Variants in B9D1 observed in about 807,000 individuals in gnomAD.
B9D1 encodes the protein B9 domain containing 1, also known as B9 domain-containing protein 1.
Under a neutral mutation model 26.1 loss-of-function variants are expected in B9D1, and 20 were observed. The ratio of observed to expected loss-of-function variants is 0.77; its 90% CI spans 0.54 to 1.12. The LOEUF is 1.12. Among genes scored for constraint, B9D1 ranks in the 50% most tolerant of loss-of-function variants. The pLI, the probability that B9D1 is intolerant of heterozygous loss-of-function variation, is 0.00. For synonymous variants in B9D1, 105 were observed against 103.1 expected (o/e 1.02, Z -0.11); for missense variants, 260 against 273.7 (o/e 0.95, Z 0.35).
intron 5 of B9D1, among the ~76,000 whole-genome samples, chr17:19,346,732 A>G (rs1225541583): frequency 6.6e-6 from 1 of 152,024 alleles, no homozygotes; most frequent in African/African-American, 2.4e-5. Context: ...TACTGGCCAC[A>G]CTGCCGTCCT....
intron 5 of B9D1, chr17:19,344,542 G>T: frequency 3.8e-6 from 1 of 262,346 alleles, no homozygotes. Context: ...AAACAACCAG[G>T]AGCACTATTC....
chr17:19,336,665 A>G (rs539010231), downstream of B9D1: 1 of 152,706 alleles, frequency 6.5e-6, no homozygotes, highest in Non-Finnish European at 1.5e-5. Context: ...ACTTGTGTTG[A>G]CTGTTGATAC....
chr17:19,374,789 CT>C (rs1466430501), intron 1 of B9D1, among the ~76,000 whole-genome samples: 1 of 151,994 alleles, frequency 6.6e-6, no homozygotes, highest in Non-Finnish European at 1.5e-5. Context: ...AAATTAAAAA[CT>C]TTTGTGGAAC....
In B9D1 at chr17:19,370,224, T is replaced by G. The variant is rs1001056250; in HGVS notation, c.-298+7635A>C. The stretch of plus-strand genomic sequence containing the variant: ...AGCTGTTGCAGGAACACGATTTGAG[T>G]TGTTTTTTGAAAGATTGCTCTGGCT... On this transcript the variant is annotated intron_variant, in intron 1 of 5. Coordinates refer to the B9D1 transcript ENST00000477478. This position sits in a 1 kb window ranked among gnomAD's most constrained non-coding sequence, Gnocchi z 5.1. 1.3e-5 allele frequency among the ~76,000 whole-genome samples: 2 copies of G among 152,202 alleles called. No homozygotes were observed. The highest frequency in any genetic ancestry group is 1.5e-5 in the Non-Finnish European group (1 of 68,038).
At chr17:19,335,419 A>G, downstream of B9D1, 1 of 1,550,286 alleles carries the variant, frequency 6.5e-7, no homozygotes. Flanking sequence ...GCAGGGATTA[A>G]CAGGACTTCT....
intron 1 of B9D1, among the ~76,000 whole-genome samples, chr17:19,373,715 C>G (rs970014643): frequency 6.6e-5 from 10 of 152,046 alleles, no homozygotes; most frequent in African/African-American, 2.4e-4. Context: ...TTAGTAGAGA[C>G]AGGGTTTCAT....
chr17:19,340,031 CAA>C (rs1398358029), downstream of B9D1, among the ~76,000 whole-genome samples: 17 of 49,568 alleles, frequency 3.4e-4, no homozygotes, highest in South Asian at 1.1e-3. Context: ...CCCACATGCC[CAA>C]CCCCCCCCCC....
chr17:19,367,369 T>C (rs28679355), upstream of B9D1, among the ~76,000 whole-genome samples: 1,581 of 149,136 alleles, frequency 0.011, 22 homozygotes, highest in African/African-American at 0.036. Flanking sequence ...TGGAGTGCAG[T>C]GGCGCCATCT....
At chr17:19,335,895 A>G (rs886662784), downstream of B9D1, 2 of 153,924 alleles carry the variant, frequency 1.3e-5, no homozygotes, top group African/African-American at 2.4e-5. Flanking sequence ...CATTCCCCCA[A>G]TCCTGTGTCT....
downstream of B9D1, chr17:19,335,808 C>T: frequency 4.9e-6 from 1 of 204,116 alleles, no homozygotes; most frequent in Non-Finnish European, 9.8e-6. Flanking sequence ...CTACTGTCCT[C>T]ACCTCACCCA....
downstream of B9D1, chr17:19,343,121 C>T: frequency 1.4e-6 from 2 of 1,428,258 alleles, no homozygotes; most frequent in Non-Finnish European, 1.8e-6. Context: ...CAAGAGCCCC[C>T]AGCTCCTGTG....
At chr17:19,342,554 G>A (rs1908085679), downstream of B9D1, among the ~76,000 whole-genome samples, 1 of 152,090 alleles carries the variant, frequency 6.6e-6, no homozygotes, top group Non-Finnish European at 1.5e-5. Flanking sequence ...GTGAAGGTGG[G>A]GAGGCCCAGG....
chr17:19,343,245 T>G lies in B9D1; in HGVS notation c.*74A>C. 6.2e-7 allele frequency: 1 copy of G among 1,609,222 alleles called. No individual in the cohort carries two copies. Among genetic ancestry groups the G allele is most frequent in the Non-Finnish European group, 8.5e-7 (1 of 1,178,762 alleles). ...CCAGCTCTGGCCACCAGGCTGCCCC[T>G]CAGGCCGATGGGCAGCGGCTGACTT... On this transcript the variant is annotated 3_prime_UTR_variant, in exon 7 of 7. Coordinates refer to ENST00000261499, the MANE Select transcript of B9D1 (RefSeq NM_015681.6).
intron 3 of B9D1, among the ~76,000 whole-genome samples, chr17:19,355,604 C>T (rs1463369589): frequency 6.6e-6 from 1 of 150,640 alleles, no homozygotes; most frequent in Non-Finnish European, 1.5e-5. Flanking sequence ...CTGAGGCGGG[C>T]AGATCACGAG....
intron 1 of B9D1, among the ~76,000 whole-genome samples, chr17:19,377,570 C>T (rs528993619): frequency 1.2e-4 from 18 of 152,366 alleles, no homozygotes; most frequent in African/African-American, 4.1e-4. Flanking sequence ...GGCCCTACCT[C>T]GAGCTCCCTT....
chr17:19,339,990 C>T (rs533577403), downstream of B9D1, among the ~76,000 whole-genome samples: 3 of 149,430 alleles, frequency 2.0e-5, no homozygotes, highest in South Asian at 2.2e-4. Flanking sequence ...ACCTGCAGGC[C>T]GTATGCCTCG....
chr17:19,341,392 C>G (rs1907945508), downstream of B9D1: 21 of 1,114,370 alleles, frequency 1.9e-5, 1 homozygote, highest in South Asian at 8.2e-4. Flanking sequence ...TGTGTCGTCC[C>G]ATGACACGTG....
chr17:19,341,000 A>T, downstream of B9D1: 1 of 473,900 alleles, frequency 2.1e-6, no homozygotes, highest in Non-Finnish European at 3.1e-6. Flanking sequence ...ATATGTGAAT[A>T]TACAAGTACG....
downstream of B9D1, among the ~76,000 whole-genome samples, chr17:19,338,214 C>A (rs533076330): frequency 5.8e-4 from 88 of 152,366 alleles, no homozygotes; most frequent in African/African-American, 2.0e-3. Flanking sequence ...TGGAAGCTGC[C>A]GCACAGACTG....
Sources: gnomAD v4.1 joint callset for allele counts (sites outside exome capture counted in the v4.1 genomes callset) on GRCh38, gnomAD v4.1.1 for gene constraint, Gnocchi (gnomAD v3.1) non-coding constraint, MANE v1.5 for transcripts, NCBI Gene and HGNC (gene_info 2026-07-23, HGNC 2026-07-21) for gene names.